The following NRIP2 variants were observed in gnomAD, a reference collection of about 807,000 sequenced individuals.
NRIP2 encodes the protein nuclear receptor-interacting protein 2.
Under a neutral mutation model 34.1 loss-of-function variants are expected in NRIP2, and 27 were observed. The observed-to-expected ratio is 0.79, with a 90% CI of 0.58 to 1.09. The LOEUF is 1.09. Among genes scored for constraint, NRIP2 ranks in the 50% least tolerant of loss-of-function variants. The pLI is 0.00. For missense variants in NRIP2, 385 were observed against 352.6 expected, an observed-to-expected ratio of 1.09 and a Z score of -0.74; for synonymous variants, 145 against 146.9, an observed-to-expected ratio of 0.99 and a Z score of 0.09.
Position 2,827,881 on chromosome 12 carries a change from A to G in NRIP2, c.700+45T>C, listed in dbSNP as rs1255163743. 3.1e-6 allele frequency: 5 copies of G among 1,612,846 alleles called. No homozygotes were observed. The highest frequency in any genetic ancestry group is 4.5e-5 in the East Asian group (2 of 44,866). ...TCAGCCTTTGCCCCACCCCAAAGAG[A>G]AAGGTGAGGTGAGCACCAGGGCTGT... On this transcript the variant is annotated intron_variant, in intron 4 of 5. Transcript: ENST00000337508. The surrounding 1 kb of genome is among the most constrained non-coding windows in gnomAD (Gnocchi z 4.0).
Position 2,826,865 on chromosome 12 carries a change from A to G in NRIP2, c.*342T>C. The G allele has an allele frequency of 1.9e-6, 1 of 513,164 alleles. No homozygotes were observed. Among genetic ancestry groups the G allele is most frequent in the Non-Finnish European group, 2.9e-6 (1 of 350,170 alleles). 31.8% of individuals were successfully genotyped at this position (513,164 alleles called of 1,614,324 possible). On this transcript the variant is annotated 3_prime_UTR_variant, in exon 6 of 6. Coordinates refer to ENST00000337508, the MANE Select transcript of NRIP2 (RefSeq NM_031474.3). ...GTGGTATTGGGTGATGGACAAGGAC[A>G]GCAGTCAGCAGAGCCTTCGACCCAG...
Position 2,827,620 on chromosome 12 carries a change from C to T in NRIP2, c.753+5G>A. On this transcript the variant is annotated splice_donor_5th_base_variant and intron_variant, in intron 5 of 5. Coordinates refer to ENST00000337508, the MANE Select transcript of NRIP2 (RefSeq NM_031474.3). This position sits in a 1 kb window ranked among gnomAD's most constrained non-coding sequence, Gnocchi z 4.0. ...TTTGGGTCAGGCCCTGAGTGGGTGC[C>T]TTACCTTGAGAGAAAGCAGAGTCTG... The T allele has an allele frequency of 6.2e-7, 1 of 1,614,162 alleles. No homozygotes were observed. The highest frequency in any genetic ancestry group is 8.5e-7 in the Non-Finnish European group (1 of 1,180,038).
At chr12:2,833,516 G>A (rs1031108291) in intron 1 of NRIP2, among the ~76,000 whole-genome samples, 7 of 152,008 alleles carry the variant, frequency 4.6e-5, no homozygotes, top group African/African-American at 1.5e-4. Flanking sequence ...TGCTGCACTG[G>A]CCTTCAGGTT....
Position 2,830,749 on chromosome 12 carries a change from TC to T in NRIP2, c.453del (p.Thr152ProfsTer43). ...DLIHGQESRRKTSRTEIPALL... is the reference protein window; with the variant it reads ...DLIHGQESRRXTSRTEIPALL... ...AGAGCTGGAATCTCTGTCCTGCTGGTCTTCCTCCTGCTCTCCTGGCCATGAA... is the reference window on the plus strand; with the variant it reads ...AGAGCTGGAATCTCTGTCCTGCTGGTTTCCTCCTGCTCTCCTGGCCATGAA... On this transcript the variant is annotated frameshift_variant, in exon 2 of 6. Transcript: ENST00000337508. LOFTEE classifies it high-confidence loss of function. 6.2e-7 allele frequency: 1 copy of T among 1,613,812 alleles called. No homozygotes were observed.
In NRIP2 at chr12:2,830,991, AC is replaced by A. The variant is rs1397230217; in HGVS notation, c.343-132del. ...GCCCTGAGCCTTACCCTAGGAGTTT[AC>A]CCTAGGGTCCCAGATAATGAGAGCA... On this transcript the variant is annotated intron_variant, in intron 1 of 5. Transcript: ENST00000337508. 5.1e-6 allele frequency: 4 copies of A among 791,208 alleles called. No individual in the cohort carries two copies. The African/African-American group carries it at 1.0e-4, about 21-fold the overall frequency. The allele number at this position is 791,208 out of a possible 1,614,324, so 49.0% of individuals were successfully genotyped here. A position where few individuals can be genotyped will look rare whatever the true frequency, so the allele number is the denominator to read the frequency against.
At chr12:2,832,317 A>G (rs993738032) in intron 1 of NRIP2, among the ~76,000 whole-genome samples, 1 of 151,958 alleles carries the variant, frequency 6.6e-6, no homozygotes, top group African/African-American at 2.4e-5. Context: ...CACAGTCCAC[A>G]TGACCGGGCC....
intron 1 of NRIP2, among the ~76,000 whole-genome samples, chr12:2,834,032 C>T (rs1257236286): frequency 2.0e-5 from 3 of 152,210 alleles, no homozygotes; most frequent in Admixed American, 2.0e-4. Context: ...ACTCCCCTGC[C>T]CCATTCCTCT....
At chr12:2,828,138 A>G (rs969063203) in intron 3 of NRIP2, 91 bp from the exon 4 acceptor site, 3 of 1,309,874 alleles carry the variant, frequency 2.3e-6, no homozygotes. Flanking sequence ...CTATGGTTTC[A>G]TCTCCAACCC....
In NRIP2 at chr12:2,827,870, AC is replaced by A; in HGVS notation, c.700+55del. On this transcript the variant is annotated intron_variant, in intron 4 of 5. Transcript: ENST00000337508. This position sits in a 1 kb window ranked among gnomAD's most constrained non-coding sequence, Gnocchi z 4.0. The stretch of plus-strand genomic sequence containing the variant: ...GAGTGAAAGTCTCAGCCTTTGCCCC[AC>A]CCCAAAGAGAAAGGTGAGGTGAGCA... The A allele has an allele frequency of 6.2e-7, 1 of 1,611,954 alleles. No individual in the cohort carries two copies. Among genetic ancestry groups the A allele is most frequent in the Non-Finnish European group, 8.5e-7 (1 of 1,179,668 alleles).
intron 2 of NRIP2, among the ~76,000 whole-genome samples, chr12:2,829,872 G>A (rs56047510): frequency 0.034 from 4,245 of 124,218 alleles, no homozygotes; most frequent in South Asian, 0.091. Flanking sequence ...GAGGTCAGGA[G>A]TTTGAGACCA....
At chr12:2,828,863 T>A (rs2153925832) in intron 2 of NRIP2, among the ~76,000 whole-genome samples, 1 of 151,836 alleles carries the variant, frequency 6.6e-6, no homozygotes, top group Admixed American at 6.6e-5. Context: ...AAAAAACTGG[T>A]TTTTATGAGA....
Position 2,827,894 on chromosome 12 carries a change from G to A in NRIP2, c.700+32C>T, listed in dbSNP as rs1239504376. ...CACCCCAAAGAGAAAGGTGAGGTGA[G>A]CACCAGGGCTGTTGCAGAAGGGGGG... On this transcript the variant is annotated intron_variant, in intron 4 of 5. Transcript: ENST00000337508. The surrounding 1 kb of genome is among the most constrained non-coding windows in gnomAD (Gnocchi z 4.0). 13 of 1,613,260 alleles carry A rather than the reference G, an allele frequency of 8.1e-6. No homozygotes were observed. The highest frequency in any genetic ancestry group is 1.3e-5 in the African/African-American group (1 of 74,912).
chr12:2,834,611 G>T (rs974058614), intron 1 of NRIP2, 31 bp downstream of exon 1: 1 of 1,542,662 alleles, frequency 6.5e-7, no homozygotes, highest in Non-Finnish European at 8.7e-7. Context: ...AAAGGCCAGG[G>T]GACGCTGGCA....
intron 3 of NRIP2, 23 bp downstream of exon 3, chr12:2,828,309 G>C: frequency 6.2e-7 from 1 of 1,606,150 alleles, no homozygotes. Context: ...TCCCCCACTT[G>C]CTTGTTTGGG....
At position 2,828,430 on chromosome 12, in the gene NRIP2, C is replaced by A. The variant is rs544990134; in HGVS notation, c.496-16G>T. 1 of 1,607,118 alleles carries A rather than the reference C, an allele frequency of 6.2e-7. No homozygotes were observed. Among genetic ancestry groups the A allele is most frequent in the African/African-American group, 1.3e-5 (1 of 74,856 alleles). On this transcript the variant is annotated splice_polypyrimidine_tract_variant and intron_variant, in intron 2 of 5. Coordinates refer to ENST00000337508, the MANE Select transcript of NRIP2 (RefSeq NM_031474.3). Reference sequence around the variant, plus strand: ...GGTCCTGGCACTAAGAAAGAAGAATCGTGGTGAATCAGTGAGTCCCTAGGA... The same window carrying A: ...GGTCCTGGCACTAAGAAAGAAGAATAGTGGTGAATCAGTGAGTCCCTAGGA...
chr12:2,834,305 G>T (rs1414606348), intron 1 of NRIP2, among the ~76,000 whole-genome samples: 1 of 152,170 alleles, frequency 6.6e-6, no homozygotes, highest in East Asian at 1.9e-4. Context: ...AGTCCTCCAG[G>T]CCCTCCTGGT....
Position 2,830,830 on chromosome 12 carries a change from C to T in NRIP2, c.373G>A (p.Val125Met). The change falls in exon 2 of 6, where the codon GTG becomes ATG. Residue 125 changes from valine to methionine, a missense_variant. Transcript: ENST00000337508. ...TGAAGCCAATTCGGGTTTCCCTCCACCAGGCGTCTTTGGATCACACTGCGC... is the reference window on the plus strand; with the variant it reads ...TGAAGCCAATTCGGGTTTCCCTCCATCAGGCGTCTTTGGATCACACTGCGC... ...QPRSVIQRRL[V>M]EGNPNWLQGE... 6.2e-7 allele frequency: 1 copy of T among 1,613,708 alleles called. No individual in the cohort carries two copies. Among genetic ancestry groups the T allele is most frequent in the Non-Finnish European group, 8.5e-7 (1 of 1,179,830 alleles).
Position 2,834,780 on chromosome 12 carries a change from C to G in NRIP2, c.204G>C (p.Gly68=). The stretch of plus-strand genomic sequence containing the variant: ...CTCGGTCTCGAAGCTGTGCCTCCTG[C>G]CCCCTCGTCCTGGCTTCTCCCTCAT... ...RRDEGEARTR[G]QEAQLRDRAH... Residue 68 remains glycine (G), a synonymous_variant, in exon 1 of 6, where the codon GGG becomes GGC. Transcript: ENST00000337508. 6.2e-7 allele frequency: 1 copy of G among 1,613,734 alleles called. No homozygotes were observed. Among genetic ancestry groups the G allele is most frequent in the Non-Finnish European group, 8.5e-7 (1 of 1,179,960 alleles).
At position 2,834,506 on chromosome 12, in the gene NRIP2, A is replaced by T. The variant is rs544157865; in HGVS notation, c.342+136T>A. 5.2e-5 allele frequency: 65 copies of T among 1,251,040 alleles called. No homozygotes were observed. The South Asian group carries it at 1.1e-3, about 22-fold the overall frequency. 77.5% of individuals were successfully genotyped at this position (1,251,040 alleles called of 1,614,324 possible). A position where few individuals can be genotyped will look rare whatever the true frequency, so the allele number is the denominator to read the frequency against. On this transcript the variant is annotated intron_variant, in intron 1 of 5. Transcript: ENST00000337508. ...TGAAGAGCCTTGAGTTGGCAGGATG[A>T]CCTCTCCCCATCTCAGCAAGGGAGC...
Sources: gnomAD v4.1 joint callset for allele counts (sites outside exome capture counted in the v4.1 genomes callset) on GRCh38, gnomAD v4.1.1 for gene constraint, Gnocchi (gnomAD v3.1) non-coding constraint, MANE v1.5 for transcripts, NCBI Gene and HGNC (gene_info 2026-07-23, HGNC 2026-07-21) for gene names.